Variants in CNTN5 observed in about 807,000 individuals in gnomAD.
CNTN5 encodes the protein contactin-5.
A neutral mutation model predicts 129.1 loss-of-function variants in CNTN5; 77 were observed. The ratio of observed to expected loss-of-function variants is 0.60; its 90% confidence interval spans 0.50 to 0.72. The LOEUF (loss-of-function observed/expected upper bound fraction) is 0.72, where lower values mean the gene tolerates loss of function less well. Among genes scored for constraint, CNTN5 ranks in the 30% least tolerant of loss-of-function variants. The probability of loss-of-function intolerance (pLI) is 0.00; values close to 1 mark genes in which losing one functional copy is unlikely to be tolerated. For missense variants in CNTN5, 1,478 were observed against 1,328.8 expected (o/e 1.11, Z -1.75); for synonymous variants, 509 against 465.6 (o/e 1.09, Z -1.20).
chr11:99,052,817 CTA>C (rs1487305255), intron 1 of CNTN5, among the ~76,000 whole-genome samples: 2 of 151,736 alleles, frequency 1.3e-5, no homozygotes, highest in African/African-American at 2.4e-5. Flanking sequence ...CATGTTGATT[CTA>C]TGTGTTCTGT....
At chr11:100,027,546 T>A (rs1485895542) in intron 9 of CNTN5, among the ~76,000 whole-genome samples, 1 of 152,234 alleles carries the variant, frequency 6.6e-6, no homozygotes, top group Non-Finnish European at 1.5e-5. Context: ...CAGTGTGTCC[T>A]TTCCTATTTT....
chr11:99,258,567 A>G (rs995300601), intron 1 of CNTN5, among the ~76,000 whole-genome samples: 24 of 152,086 alleles, frequency 1.6e-4, no homozygotes, highest in African/African-American at 5.8e-4. Context: ...AAATTACAAA[A>G]TAAAAAATCA....
At chr11:99,297,442 C>T (rs962358546) in intron 1 of CNTN5, among the ~76,000 whole-genome samples, 1 of 148,672 alleles carries the variant, frequency 6.7e-6, no homozygotes, top group East Asian at 2.0e-4. Context: ...GAGTGCAAGG[C>T]AGATTAATCC....
At chr11:99,086,947 T>C (rs565574363) in intron 1 of CNTN5, among the ~76,000 whole-genome samples, 1 of 152,280 alleles carries the variant, frequency 6.6e-6, no homozygotes, top group Non-Finnish European at 1.5e-5. Context: ...TAGCATTACT[T>C]TTGTCCCTAT....
chr11:99,049,249 G>A (rs964344259), intron 1 of CNTN5, among the ~76,000 whole-genome samples: 1 of 152,100 alleles, frequency 6.6e-6, no homozygotes, highest in African/African-American at 2.4e-5. Flanking sequence ...TTTAACTTGA[G>A]CAATTGACGT....
At chr11:99,741,226 A>T (rs781159361) in intron 3 of CNTN5, among the ~76,000 whole-genome samples, 2 of 152,168 alleles carry the variant, frequency 1.3e-5, no homozygotes, top group Non-Finnish European at 2.9e-5. Context: ...AGTTTGCACC[A>T]ATCAAAACTT....
At chr11:100,276,754 C>A (rs1343686308) in intron 18 of CNTN5, among the ~76,000 whole-genome samples, 1 of 151,870 alleles carries the variant, frequency 6.6e-6, no homozygotes, top group Non-Finnish European at 1.5e-5. Context: ...GCTTAGTAAT[C>A]ATATCAGGAT....
At chr11:100,308,688 T>C (rs748872628) in intron 21 of CNTN5, 78 of 1,140,630 alleles carry the variant, frequency 6.8e-5, no homozygotes, top group Non-Finnish European at 8.2e-5. Flanking sequence ...TATGCAAAGA[T>C]GTTTTTAAAA....
chr11:99,945,843 G>C (rs1019903173), intron 7 of CNTN5, among the ~76,000 whole-genome samples: 2 of 151,900 alleles, frequency 1.3e-5, no homozygotes, highest in Admixed American at 1.3e-4. Context: ...GCTGGAATAC[G>C]AATCTAGGCA....
In CNTN5 at chr11:99,037,566, T is replaced by TTTTTC. The variant is rs1195938776; in HGVS notation, c.-210+16306_-210+16310dup. Among the ~76,000 whole-genome samples, 169 of 144,790 alleles carry TTTTTC rather than the reference T, an allele frequency of 1.2e-3. 2 individuals are homozygous for TTTTTC. The highest frequency in any genetic ancestry group is 3.6e-3 in the East Asian group (17 of 4,732). 95.0% of individuals were successfully genotyped at this position (144,790 alleles called of 152,430 possible). On this transcript the variant is annotated intron_variant, in intron 1 of 24. Transcript: ENST00000524871. ...TGCTCTGGGACATATTTTTCCTTCT[T>TTTTTC]TTTTCTTTTCTTTTTTTTTTTTTTT...
At chr11:99,709,881 AG>A (rs1954901933) in intron 3 of CNTN5, among the ~76,000 whole-genome samples, 2 of 151,916 alleles carry the variant, frequency 1.3e-5, no homozygotes, top group South Asian at 4.1e-4. Flanking sequence ...AATTAAAAAA[AG>A]ATCTAATGAA....
chr11:99,258,446 A>G (rs777332720), intron 1 of CNTN5, among the ~76,000 whole-genome samples: 30 of 152,060 alleles, frequency 2.0e-4, no homozygotes, highest in Non-Finnish European at 3.7e-4. Context: ...TTAAGAGTTT[A>G]TTATTGGACC....
chr11:99,958,779 T>C (rs925269031), intron 8 of CNTN5, among the ~76,000 whole-genome samples: 2 of 152,212 alleles, frequency 1.3e-5, no homozygotes, highest in Non-Finnish European at 2.9e-5. Context: ...TATTGCATTC[T>C]TATCTGAAAA....
intron 1 of CNTN5, among the ~76,000 whole-genome samples, chr11:99,180,297 A>G (rs554592062): frequency 5.9e-5 from 9 of 152,188 alleles, no homozygotes; most frequent in Non-Finnish European, 1.0e-4. Context: ...TCACCAGACT[A>G]TGGAGGATTC....
chr11:99,636,425 C>A (rs1004706182), intron 3 of CNTN5, among the ~76,000 whole-genome samples: 1 of 150,970 alleles, frequency 6.6e-6, no homozygotes, highest in Non-Finnish European at 1.5e-5. Flanking sequence ...CTCTTCAGAT[C>A]CACTTTCCAC....
At chr11:100,159,126 T>C (rs552293535) in intron 13 of CNTN5, among the ~76,000 whole-genome samples, 3 of 151,720 alleles carry the variant, frequency 2.0e-5, no homozygotes, top group African/African-American at 7.2e-5. Flanking sequence ...AAAACTAATA[T>C]AGATGCTAAA....
At chr11:99,985,323 G>A (rs1938609109) in intron 8 of CNTN5, among the ~76,000 whole-genome samples, 1 of 152,124 alleles carries the variant, frequency 6.6e-6, no homozygotes, top group South Asian at 2.1e-4. Flanking sequence ...GGGAGCAGGA[G>A]AGGGGACAGG....
intron 1 of CNTN5, among the ~76,000 whole-genome samples, chr11:99,216,544 T>C (rs2406776): frequency 0.77 from 116,578 of 151,982 alleles, 45,038 homozygotes; most frequent in East Asian, 0.99. Flanking sequence ...TCATATGATC[T>C]ATCATATGCT....
At chr11:99,564,023 C>T (rs1948927211) in intron 3 of CNTN5, among the ~76,000 whole-genome samples, 1 of 152,140 alleles carries the variant, frequency 6.6e-6, no homozygotes, top group Admixed American at 6.5e-5. Context: ...TACTCTAACA[C>T]ATATTTATAT....
Sources: allele counts gnomAD v4.1 joint callset (sites outside exome capture counted in the v4.1 genomes callset), GRCh38; gene constraint gnomAD v4.1.1; transcripts MANE v1.5; gene names NCBI Gene and HGNC (gene_info 2026-07-23, HGNC 2026-07-21).